The following MEGF11 variants were observed in gnomAD, a reference collection of about 807,000 sequenced individuals.
The protein encoded by MEGF11 is multiple epidermal growth factor-like domains protein 11.
In MEGF11, 126 loss-of-function variants were observed where a neutral mutation model predicts 146.6. The ratio of observed to expected loss-of-function variants is 0.86; its 90% CI spans 0.74 to 1.00. The LOEUF (loss-of-function observed/expected upper bound fraction) is 1.00, where lower values mean the gene tolerates loss of function less well. Ranked by LOEUF, MEGF11 falls within the 50% of genes least tolerant of loss-of-function variation. The pLI is 0.00. For missense variants in MEGF11, 1,509 were observed against 1,521.2 expected (o/e 0.99, Z 0.13); for synonymous variants, 532 against 583.4 (o/e 0.91, Z 1.27).
Position 66,212,262 on chromosome 15 carries a change from C to G in MEGF11, c.-9+41343G>C, listed in dbSNP as rs112293608. Among the ~76,000 whole-genome samples the G allele has an allele frequency of 9.6e-3, 1,467 of 152,230 alleles. 23 individuals are homozygous for G. Among genetic ancestry groups the G allele is most frequent in the African/African-American group, 0.033 (1,368 of 41,554 alleles). On this transcript the variant is annotated intron_variant, in intron 1 of 25. Transcript: ENST00000395614. Reference sequence around the variant, plus strand: ...CAGAGAGACCCAAAGGGATGGCGGACCCCTCTCACACACAGCCACTTACAC... The same window carrying G: ...CAGAGAGACCCAAAGGGATGGCGGAGCCCTCTCACACACAGCCACTTACAC...
At chr15:66,028,654 C>A (rs1180613511) in intron 5 of MEGF11, among the ~76,000 whole-genome samples, 2 of 152,148 alleles carry the variant, frequency 1.3e-5, no homozygotes, top group East Asian at 3.8e-4. Flanking sequence ...AATGGTCAAA[C>A]AATAGGGGAA....
chr15:65,915,421 C>T (rs1291153089), intron 19 of MEGF11, 49 bp downstream of exon 19: 11 of 1,600,952 alleles, frequency 6.9e-6, no homozygotes, highest in African/African-American at 1.3e-5. Flanking sequence ...CCTAGAGCTG[C>T]CATGGGGCCC....
chr15:66,102,669 C>A (rs2140778187), intron 4 of MEGF11, among the ~76,000 whole-genome samples: 1 of 152,266 alleles, frequency 6.6e-6, no homozygotes, highest in African/African-American at 2.4e-5. Context: ...CCTCAAACTC[C>A]TGGCCTCAAG....
At chr15:66,201,335 G>A (rs556636419) in intron 1 of MEGF11, among the ~76,000 whole-genome samples, 1 of 152,196 alleles carries the variant, frequency 6.6e-6, no homozygotes, top group South Asian at 2.1e-4. Context: ...TGTGGGGCTG[G>A]AGAGGCTGTT....
chr15:66,048,659 C>G (rs1003131063), intron 5 of MEGF11, among the ~76,000 whole-genome samples: 38 of 152,338 alleles, frequency 2.5e-4, no homozygotes, highest in African/African-American at 8.2e-4. Context: ...GACTGAACCT[C>G]CTGCCCACCT....
At chr15:66,074,316 T>C (rs2085489924) in intron 5 of MEGF11, among the ~76,000 whole-genome samples, 1 of 152,252 alleles carries the variant, frequency 6.6e-6, no homozygotes, top group South Asian at 2.1e-4. Flanking sequence ...CAATATGATA[T>C]ATTTGAGATT....
intron 1 of MEGF11, among the ~76,000 whole-genome samples, chr15:66,211,974 G>GGTGGGA: frequency 6.9e-3 from 1 of 144 alleles, no homozygotes; most frequent in Non-Finnish European, 0.016. Flanking sequence ...AAGACTCAAA[G>GGTGGGA]AGACCACCAG....
chr15:66,130,187 A>G lies in MEGF11; in HGVS notation c.-8-1776T>C, dbSNP rs183171453. ...GAGATTCAACCTAGAGCAGAGAAAG[A>G]GCCTGCCCGGGACATGGCATTGAGC... On this transcript the variant is annotated intron_variant, in intron 1 of 25. Coordinates refer to ENST00000395614, the MANE Select transcript of MEGF11 (RefSeq NM_001385028.1). Among the ~76,000 whole-genome samples, 139 of 152,320 alleles carry G rather than the reference A, an allele frequency of 9.1e-4. 1 individual carries two copies. The highest frequency in any genetic ancestry group is 1.6e-3 in the Non-Finnish European group (108 of 68,030).
chr15:66,075,155 G>A (rs781475920), intron 5 of MEGF11, among the ~76,000 whole-genome samples: 1 of 152,196 alleles, frequency 6.6e-6, no homozygotes, highest in Non-Finnish European at 1.5e-5. Context: ...TCACAATGAA[G>A]CAAAAGGGAA....
chr15:65,962,234 G>A (rs1028842296), intron 9 of MEGF11, among the ~76,000 whole-genome samples: 5 of 152,176 alleles, frequency 3.3e-5, no homozygotes, highest in African/African-American at 4.8e-5. Flanking sequence ...CATCCACATA[G>A]AGGAAGAGAG....
intron 4 of MEGF11, among the ~76,000 whole-genome samples, chr15:66,116,865 G>A (rs746147695): frequency 1.3e-5 from 2 of 152,160 alleles, no homozygotes; most frequent in Non-Finnish European, 2.9e-5. Flanking sequence ...TGAAAACTGA[G>A]GTTCAGAGAG....
chr15:66,238,470 A>G (rs1207789033), intron 1 of MEGF11, among the ~76,000 whole-genome samples: 1 of 152,158 alleles, frequency 6.6e-6, no homozygotes, highest in Non-Finnish European at 1.5e-5. Flanking sequence ...TCTTGGGGAG[A>G]TGAAGGCCAC....
At chr15:66,173,713 G>T (rs1218049076) in intron 1 of MEGF11, among the ~76,000 whole-genome samples, 2 of 152,188 alleles carry the variant, frequency 1.3e-5, no homozygotes, top group Non-Finnish European at 2.9e-5. Flanking sequence ...TCCCCAGGAA[G>T]GAGACCAGTG....
chr15:66,133,979 G>A (rs2088774587), intron 1 of MEGF11, among the ~76,000 whole-genome samples: 1 of 152,006 alleles, frequency 6.6e-6, no homozygotes, highest in African/African-American at 2.4e-5. Context: ...CCAAGTCCCT[G>A]CTCCACCACC....
At chr15:66,160,988 G>C (rs1338206506) in intron 1 of MEGF11, among the ~76,000 whole-genome samples, 1 of 152,172 alleles carries the variant, frequency 6.6e-6, no homozygotes, top group Non-Finnish European at 1.5e-5. Context: ...GTGCAGGGAA[G>C]AGAAGTCTAG....
intron 5 of MEGF11, among the ~76,000 whole-genome samples, chr15:66,022,485 G>C (rs1298377775): frequency 6.6e-6 from 1 of 152,180 alleles, no homozygotes; most frequent in African/African-American, 2.4e-5. Flanking sequence ...TAATTTCAAG[G>C]AGTTCATGGT....
At chr15:66,042,661 C>A (rs193162182) in intron 5 of MEGF11, among the ~76,000 whole-genome samples, 1 of 152,200 alleles carries the variant, frequency 6.6e-6, no homozygotes, top group Non-Finnish European at 1.5e-5. Context: ...ACACACTCCC[C>A]CTGAAACCTG....
chr15:66,179,118 G>A (rs1049752318), intron 1 of MEGF11, among the ~76,000 whole-genome samples: 3 of 152,094 alleles, frequency 2.0e-5, no homozygotes, highest in Admixed American at 2.0e-4. Context: ...GCTCTAGGAG[G>A]TTGGTGACTC....
intron 8 of MEGF11, among the ~76,000 whole-genome samples, chr15:65,965,603 T>TC (rs769147313): frequency 0.068 from 4,863 of 71,134 alleles, 510 homozygotes; most frequent in Middle Eastern, 0.14. Flanking sequence ...TTTCTTTCTT[T>TC]TTTTTTTTTC....
Sources: allele counts gnomAD v4.1 joint callset (sites outside exome capture counted in the v4.1 genomes callset), GRCh38; gene constraint gnomAD v4.1.1; transcripts MANE v1.5; gene names NCBI Gene and HGNC (gene_info 2026-07-23, HGNC 2026-07-21).